CFAP74: variants seen among roughly 807,000 people sequenced by gnomAD.
CFAP74 encodes cilia- and flagella-associated protein 74.
A neutral mutation model predicts 188.9 loss-of-function variants in CFAP74; 124 were observed. The observed-to-expected ratio is 0.66, with a 90% confidence interval of 0.57 to 0.76. The LOEUF (loss-of-function observed/expected upper bound fraction) is 0.76, where lower values mean the gene tolerates loss of function less well. Among genes scored for constraint, CFAP74 ranks in the 30% least tolerant of loss-of-function variants. The probability of loss-of-function intolerance (pLI) is 0.00; values close to 1 mark genes in which losing one functional copy is unlikely to be tolerated. For missense variants in CFAP74, 2,198 were observed against 2,165.2 expected (o/e 1.02, Z -0.30); for synonymous variants, 956 against 916.7 (o/e 1.04, Z -0.77).
chr1:1,985,505 G>A lies in CFAP74; in HGVS notation c.396-15C>T, dbSNP rs372146159. 16 of 1,604,856 alleles carry A rather than the reference G, an allele frequency of 1.0e-5. No homozygotes were observed. Among genetic ancestry groups the A allele is most frequent in the East Asian group, 4.5e-5 (2 of 44,824 alleles). On this transcript the variant is annotated splice_polypyrimidine_tract_variant and intron_variant, in intron 5 of 38. Coordinates refer to ENST00000682832, the MANE Select transcript of CFAP74 (RefSeq NM_001304360.2). ...CCACAGCGGCCCTGCAGTGGTGAAC[G>A]GACAGGCCGGGCGTGTGTCAGGCCT...
At chr1:1,970,871 A>G (rs1655915764) in intron 9 of CFAP74, 55 bp from the exon 10 acceptor site, 25 of 1,600,938 alleles carry the variant, frequency 1.6e-5, no homozygotes, top group Non-Finnish European at 2.1e-5. Flanking sequence ...GCACATGCAC[A>G]CGCTCACACC....
intron 1 of CFAP74, among the ~76,000 whole-genome samples, chr1:1,999,422 G>C (rs185242845): frequency 6.6e-6 from 1 of 152,288 alleles, no homozygotes; most frequent in East Asian, 1.9e-4. Flanking sequence ...TCGATGGGGG[G>C]TGGGAATGGA....
At chr1:2,001,143 G>A (rs1658184062) in intron 1 of CFAP74, among the ~76,000 whole-genome samples, 1 of 152,112 alleles carries the variant, frequency 6.6e-6, no homozygotes, top group African/African-American at 2.4e-5. Flanking sequence ...AGAGCTGGAT[G>A]TCAGAGCCTG....
Position 1,971,120 on chromosome 1 carries a change from C to T in CFAP74, c.889-304G>A, listed in dbSNP as rs1214727983. On this transcript the variant is annotated intron_variant, in intron 9 of 38. Coordinates refer to ENST00000682832, the MANE Select transcript of CFAP74 (RefSeq NM_001304360.2). Reference sequence around the variant, plus strand: ...ACCTGCACACGTGTGCACACACATGCTCACACGTGCACACACATGCTCGCA... The same window carrying T: ...ACCTGCACACGTGTGCACACACATGTTCACACGTGCACACACATGCTCGCA... Among the ~76,000 whole-genome samples, 2 of 148,376 alleles carry T rather than the reference C, an allele frequency of 1.3e-5. 1 individual carries two copies. Among genetic ancestry groups the T allele is most frequent in the African/African-American group, 5.0e-5 (2 of 39,878 alleles).
Position 1,923,782 on chromosome 1 carries a change from A to AAG in CFAP74, c.4380_4381dup (p.Phe1461SerfsTer12), listed in dbSNP as rs578234038. The AAG allele has an allele frequency of 1.7e-3, 2,813 of 1,613,320 alleles. 5 individuals are homozygous for AAG. The highest frequency in any genetic ancestry group is 2.2e-3 in the Non-Finnish European group (2,594 of 1,179,838). ...GCAGAGCCAGAGCCGCACCTTTTCA[A>AAG]AGAGCACCACCTGGAGCTTGTCGGA... is the stretch of plus-strand genomic sequence containing the variant. On this transcript the variant is annotated frameshift_variant, in exon 35 of 39. Transcript: ENST00000682832. LOFTEE classifies it high-confidence loss of function. The surrounding 1 kb of genome is among the most constrained non-coding windows in gnomAD (Gnocchi z 6.3).
rs147743829 is a variant in CFAP74 at position 1,990,897 on chromosome 1, C to T, written c.60G>A (p.Leu20=). The T allele has an allele frequency of 4.3e-6, 7 of 1,611,882 alleles. No individual in the cohort carries two copies. Among genetic ancestry groups the T allele is most frequent in the Non-Finnish European group, 5.1e-6 (6 of 1,179,362 alleles). ...TGAAAGAAGCTTTATTACCATCTTC[C>T]AAAAGAAGGGCATCGGCCAAAAGCT... ...EDELLADALL[L]EDERDELEDP... The change falls in exon 2 of 39, where the codon TTG becomes TTA. Residue 20 remains leucine, a synonymous_variant. Transcript: ENST00000682832.
intron 6 of CFAP74, among the ~76,000 whole-genome samples, chr1:1,974,598 A>C (rs1318043136): frequency 1.3e-5 from 2 of 150,166 alleles, no homozygotes; most frequent in African/African-American, 4.9e-5. Flanking sequence ...ACCCAAGACC[A>C]CCCCTCAGTC....
intron 33 of CFAP74, among the ~76,000 whole-genome samples, chr1:1,924,890 G>GCC (rs1457121981): frequency 1.3e-5 from 2 of 152,210 alleles, no homozygotes; most frequent in Non-Finnish European, 2.9e-5. Context: ...TCCATGCAAC[G>GCC]CCCGTCTCGG....
intron 6 of CFAP74, among the ~76,000 whole-genome samples, chr1:1,976,157 C>T (rs561541165): frequency 6.6e-5 from 10 of 152,272 alleles, no homozygotes; most frequent in African/African-American, 1.9e-4. Context: ...CCCCCATGGC[C>T]GAATCTCCCA....
At chr1:1,995,173 C>T (rs184409802) in intron 1 of CFAP74, among the ~76,000 whole-genome samples, 4 of 152,094 alleles carry the variant, frequency 2.6e-5, no homozygotes, top group East Asian at 3.9e-4. Context: ...TCAGAAATGC[C>T]GGATAGGACT....
chr1:1,930,236 C>T lies in CFAP74; in HGVS notation c.3112G>A (p.Val1038Met), dbSNP rs1030669667. The T allele has an allele frequency of 2.2e-5, 34 of 1,535,592 alleles. No homozygotes were observed. The highest frequency in any genetic ancestry group is 7.3e-5 in the East Asian group (3 of 40,934). The change falls in exon 26 of 39, where the codon GTG becomes ATG. Residue 1038 changes from valine to methionine, a missense_variant. By Grantham distance (21) the Val-to-Met change is conservative. Coordinates refer to ENST00000682832, the MANE Select transcript of CFAP74 (RefSeq NM_001304360.2). ...FAATALYDTS[V>M]ATVYVINSHL... The stretch of plus-strand genomic sequence containing the variant: ...GAGTTGATGACGTACACTGTAGCCA[C>T]GGAGGTGTCGTATAGGGCCGTGGCG...
chr1:1,955,822 C>T lies in CFAP74; in HGVS notation c.2045G>A (p.Ser682Asn), dbSNP rs780132668. 2 of 1,613,870 alleles carry T rather than the reference C, an allele frequency of 1.2e-6. No homozygotes were observed. The highest frequency in any genetic ancestry group is 2.2e-5 in the East Asian group (1 of 44,884). ...LSSLLTYEDK[S>N]LYDKAATSFS... The stretch of plus-strand genomic sequence containing the variant: ...GCTGGTGGCGGCTTTGTCATACAAG[C>T]TTTTATCTTCGTAGGTCAGGAGACT... Residue 682 changes from serine (S) to asparagine (N), a missense_variant, in exon 18 of 39, where the codon AGC becomes AAC. Transcript: ENST00000682832.
intron 18 of CFAP74, among the ~76,000 whole-genome samples, chr1:1,948,217 G>A (rs1558013975): frequency 6.6e-6 from 1 of 152,160 alleles, no homozygotes; most frequent in South Asian, 2.1e-4. Context: ...TGCCTCAGGA[G>A]TCACCACGGC....
chr1:1,978,172 G>A (rs1656571464), intron 6 of CFAP74, among the ~76,000 whole-genome samples: 1 of 152,258 alleles, frequency 6.6e-6, no homozygotes, highest in Non-Finnish European at 1.5e-5. Context: ...CAGTGAGTGT[G>A]ACCACATATA....
intron 21 of CFAP74, among the ~76,000 whole-genome samples, chr1:1,943,070 C>T (rs1388888832): frequency 2.0e-5 from 3 of 152,214 alleles, no homozygotes; most frequent in Non-Finnish European, 4.4e-5. Flanking sequence ...AGACCGCGCC[C>T]TCCCCGTCAG....
intron 22 of CFAP74, among the ~76,000 whole-genome samples, chr1:1,941,649 C>A (rs545456299): frequency 6.6e-6 from 1 of 152,130 alleles, no homozygotes; most frequent in Non-Finnish European, 1.5e-5. Flanking sequence ...GCAGGGTACC[C>A]GTAGCAAGCC....
chr1:1,995,387 G>A (rs1467040456), intron 1 of CFAP74, among the ~76,000 whole-genome samples: 1 of 151,868 alleles, frequency 6.6e-6, no homozygotes, highest in African/African-American at 2.4e-5. Flanking sequence ...AGCTACTTAG[G>A]AGGCTGAGAC....
rs142334243 is a variant in CFAP74, at chr1:1,959,955, C to T, written c.1761+9G>A. ...CCCCTTCGAGAGAGAACGGGCCCCT[C>T]TGACTCACCATCGGCTTGAAGGTGA... On this transcript the variant is annotated intron_variant, in intron 15 of 38. Coordinates refer to ENST00000682832, the MANE Select transcript of CFAP74 (RefSeq NM_001304360.2). 9.0e-4 allele frequency: 1,435 copies of T among 1,585,806 alleles called. 6 individuals are homozygous for T. In the African/African-American group the frequency reaches 0.011, roughly 12 times the overall value.
intron 18 of CFAP74, among the ~76,000 whole-genome samples, chr1:1,951,112 C>G (rs1219589375): frequency 2.0e-5 from 3 of 152,158 alleles, no homozygotes; most frequent in African/African-American, 7.2e-5. Flanking sequence ...CACAGTTCCA[C>G]CTGGCTGACA....
Sources: gnomAD v4.1 joint callset for allele counts (sites outside exome capture counted in the v4.1 genomes callset) on GRCh38, gnomAD v4.1.1 for gene constraint, Gnocchi (gnomAD v3.1) non-coding constraint, MANE v1.5 for transcripts, NCBI Gene and HGNC (gene_info 2026-07-23, HGNC 2026-07-21) for gene names.